Variants in DTNB observed in about 807,000 individuals in gnomAD.
DTNB encodes the protein DTN-B.
DTNB carries 63 observed loss-of-function variants against 90.7 expected under a neutral mutation model. The observed-to-expected ratio is 0.69, with a 90% CI of 0.57 to 0.86. The LOEUF (loss-of-function observed/expected upper bound fraction) is 0.86. Among genes scored for constraint, DTNB ranks in the 40% least tolerant of loss-of-function variants. The pLI is 0.00. For synonymous variants in DTNB, 277 were observed against 286.7 expected (o/e 0.97, Z 0.34); for missense variants, 744 against 807.1 (o/e 0.92, Z 0.95).
intron 16 of DTNB, among the ~76,000 whole-genome samples, chr2:25,404,321 G>A (rs938559591): frequency 6.6e-6 from 1 of 152,152 alleles, no homozygotes; most frequent in African/African-American, 2.4e-5. Flanking sequence ...AGAAGAGGTG[G>A]CAGCTGAGAG....
intron 4 of DTNB, 122 bp from the exon 5 acceptor site, chr2:25,607,443 A>G: frequency 1.1e-6 from 1 of 907,654 alleles, no homozygotes; most frequent in Non-Finnish European, 1.6e-6. Context: ...CAATTTTACC[A>G]CATTTAGAAA....
At chr2:25,546,216 G>C (rs1384699185) in intron 8 of DTNB, among the ~76,000 whole-genome samples, 8 of 152,208 alleles carry the variant, frequency 5.3e-5, no homozygotes, top group East Asian at 1.9e-4. Context: ...AAGTGGACCA[G>C]GGTGGGAACC....
chr2:25,540,122 T>A (rs931632297), intron 8 of DTNB, among the ~76,000 whole-genome samples: 31 of 152,228 alleles, frequency 2.0e-4, no homozygotes, highest in Admixed American at 1.6e-3. Context: ...GTGTTCACTA[T>A]CTTCGGCCCT....
chr2:25,665,772 G>T (rs1245090038), intron 1 of DTNB, among the ~76,000 whole-genome samples: 2 of 107,834 alleles, frequency 1.9e-5, no homozygotes, highest in African/African-American at 3.4e-5. Context: ...TTCTCTTTCA[G>T]ATTTAAAAAA....
chr2:25,497,905 T>A (rs1374900388), intron 9 of DTNB, among the ~76,000 whole-genome samples: 1 of 152,220 alleles, frequency 6.6e-6, no homozygotes, highest in East Asian at 1.9e-4. Flanking sequence ...AGGGAACCTT[T>A]CTATTGTTAC....
chr2:25,668,349 C>T (rs1456897059), intron 1 of DTNB, among the ~76,000 whole-genome samples: 1 of 152,226 alleles, frequency 6.6e-6, no homozygotes, highest in Non-Finnish European at 1.5e-5. Flanking sequence ...AGGCTCCATA[C>T]TACATGATTC....
rs189241244 is a variant in DTNB at position 25,619,855 on chromosome 2, C to G, written c.362+8316G>C. Among the ~76,000 whole-genome samples the G allele has an allele frequency of 1.3e-3, 203 of 152,124 alleles. 1 individual carries two copies. The highest frequency in any genetic ancestry group is 4.7e-3 in the African/African-American group (194 of 41,484). On this transcript the variant is annotated intron_variant, in intron 4 of 20. Transcript: ENST00000406818. Reference sequence around the variant, plus strand: ...AGGAGTTTGAGACCAGCCTGACCAACATGGTGAAACCCCATCTCTACTAAA... The same window carrying G: ...AGGAGTTTGAGACCAGCCTGACCAAGATGGTGAAACCCCATCTCTACTAAA...
chr2:25,463,075 C>T (rs2061261552), intron 10 of DTNB, among the ~76,000 whole-genome samples: 1 of 152,210 alleles, frequency 6.6e-6, no homozygotes. Flanking sequence ...CTGACCTCTC[C>T]CTCGAGCTCC....
intron 4 of DTNB, among the ~76,000 whole-genome samples, chr2:25,614,477 A>G (rs1403322352): frequency 6.6e-6 from 1 of 152,244 alleles, no homozygotes; most frequent in South Asian, 2.1e-4. Context: ...TGCAGAATGT[A>G]AGGTCAACAT....
At chr2:25,609,607 A>AAC (rs941293445) in intron 4 of DTNB, among the ~76,000 whole-genome samples, 3 of 151,266 alleles carry the variant, frequency 2.0e-5, no homozygotes, top group Non-Finnish European at 4.4e-5. Context: ...AAAAAAAAAA[A>AAC]AAAACTTGTT....
intron 9 of DTNB, among the ~76,000 whole-genome samples, chr2:25,486,630 C>T (rs1575023810): frequency 7.4e-6 from 1 of 135,690 alleles, no homozygotes; most frequent in South Asian, 2.3e-4. Flanking sequence ...AAGACCCTGT[C>T]TCAAAAAAAA....
At chr2:25,671,180 AAGTATAGGGAAAAAAC>A (rs2085798971) in intron 1 of DTNB, among the ~76,000 whole-genome samples, 1 of 152,190 alleles carries the variant, frequency 6.6e-6, no homozygotes, top group Non-Finnish European at 1.5e-5. Flanking sequence ...ATAGATACTT[AAGTATAGGGAAAAAAC>A]AGTCTATATA....
intron 5 of DTNB, among the ~76,000 whole-genome samples, chr2:25,604,895 C>T (rs1330653949): frequency 6.6e-6 from 1 of 151,536 alleles, no homozygotes; most frequent in African/African-American, 2.4e-5. Context: ...CTTAAAATTG[C>T]TTTTATAGAT....
At chr2:25,427,825 G>C in intron 14 of DTNB, 194 bp from the exon 15 acceptor site, 1 of 452,950 alleles carries the variant, frequency 2.2e-6, no homozygotes, top group South Asian at 3.9e-5. Flanking sequence ...GAGAATAATA[G>C]GTAAAAGTGC....
At chr2:25,465,375 CA>C (rs34402498) in intron 10 of DTNB, among the ~76,000 whole-genome samples, 38 of 140,388 alleles carry the variant, frequency 2.7e-4, no homozygotes, top group Non-Finnish European at 2.3e-4. Context: ...GACTCCGTCT[CA>C]AAAAAAAAAA....
chr2:25,669,895 A>G (rs577965063), intron 1 of DTNB, among the ~76,000 whole-genome samples: 1 of 149,614 alleles, frequency 6.7e-6, no homozygotes, highest in African/African-American at 2.5e-5. Flanking sequence ...ACAGAGGAAG[A>G]CCCTATCTCA....
chr2:25,523,956 C>T (rs2076626694), intron 9 of DTNB, among the ~76,000 whole-genome samples: 1 of 146,450 alleles, frequency 6.8e-6, no homozygotes, highest in Non-Finnish European at 1.5e-5. Flanking sequence ...AGCTGGAGTG[C>T]AATGGCGTGA....
At chr2:25,629,133 G>C (rs558202912) in intron 3 of DTNB, among the ~76,000 whole-genome samples, 182 of 152,222 alleles carry the variant, frequency 1.2e-3, no homozygotes, top group African/African-American at 4.2e-3. Context: ...TAAGAATGAT[G>C]CCTGACTTCA....
rs75863195 is a variant in DTNB at position 25,535,184 on chromosome 2, C to T, written c.877-3587G>A. On this transcript the variant is annotated intron_variant, in intron 8 of 20. Coordinates refer to ENST00000406818, the MANE Select transcript of DTNB (RefSeq NM_021907.5). ...GAGGTACTCCTCACTTCCTCCCAGA[C>T]GGGGCAGCCGGGCAGAGGCACTCCT... is the stretch of plus-strand genomic sequence containing the variant. Among the ~76,000 whole-genome samples, 111 of 144,464 alleles carry T rather than the reference C, an allele frequency of 7.7e-4. No individual in the cohort carries two copies. The East Asian group carries it at 0.021, about 27-fold the overall frequency. The allele number at this position is 144,464 out of a possible 152,430, so 94.8% of individuals were successfully genotyped here. A position where few individuals can be genotyped will look rare whatever the true frequency, so the allele number is the denominator to read the frequency against.
Sources: gnomAD v4.1 joint callset for allele counts (sites outside exome capture counted in the v4.1 genomes callset) on GRCh38, gnomAD v4.1.1 for gene constraint, MANE v1.5 for transcripts, NCBI Gene and HGNC (gene_info 2026-07-23, HGNC 2026-07-21) for gene names.